ARHGEF28: variants seen among roughly 807,000 people sequenced by gnomAD.
ARHGEF28 encodes Rho guanine nucleotide exchange factor 28, also known as 190 kDa guanine nucleotide exchange factor.
In ARHGEF28, 152 loss-of-function variants were observed where a neutral mutation model predicts 206.6. The ratio of observed to expected loss-of-function variants is 0.74; its 90% CI spans 0.64 to 0.84. The LOEUF is 0.84. Ranked by LOEUF, ARHGEF28 falls within the 40% of genes least tolerant of loss-of-function variation. ARHGEF28 has a pLI of 0.00. For synonymous variants in ARHGEF28, 763 were observed against 776.4 expected, an observed-to-expected ratio of 0.98 and a Z score of 0.29; for missense variants, 2,028 against 2,073.2, an observed-to-expected ratio of 0.98 and a Z score of 0.42.
At chr5:73,725,798 T>C (rs1750236535) in intron 2 of ARHGEF28, among the ~76,000 whole-genome samples, 1 of 152,158 alleles carries the variant, frequency 6.6e-6, no homozygotes, top group Non-Finnish European at 1.5e-5. Context: ...AAGAATAGGC[T>C]CATGACATTT....
At chr5:73,766,120 A>C (rs543135414) in intron 4 of ARHGEF28, among the ~76,000 whole-genome samples, 1 of 151,434 alleles carries the variant, frequency 6.6e-6, no homozygotes, top group Admixed American at 6.6e-5. Context: ...TGCCACTGCA[A>C]TCCGGCCTGG....
chr5:73,805,197 C>T (rs1258824018), intron 9 of ARHGEF28, among the ~76,000 whole-genome samples: 2 of 151,844 alleles, frequency 1.3e-5, no homozygotes, highest in Non-Finnish European at 2.9e-5. Flanking sequence ...TTGTATATAT[C>T]TTTTTTTTAG....
At chr5:73,932,696 A>G (rs190766145) in intron 35 of ARHGEF28, among the ~76,000 whole-genome samples, 3 of 151,706 alleles carry the variant, frequency 2.0e-5, no homozygotes, top group African/African-American at 7.2e-5. Flanking sequence ...GTATTCACTA[A>G]TTCATTTATT....
chr5:73,889,475 G>A (rs1761501197), intron 26 of ARHGEF28, among the ~76,000 whole-genome samples: 1 of 152,232 alleles, frequency 6.6e-6, no homozygotes, highest in Non-Finnish European at 1.5e-5. Flanking sequence ...AGAATACTGA[G>A]TCTAGGAGGA....
chr5:73,662,197 A>G (rs773609830), intron 1 of ARHGEF28, among the ~76,000 whole-genome samples: 8 of 152,236 alleles, frequency 5.3e-5, no homozygotes, highest in Non-Finnish European at 8.8e-5. Context: ...ACTGACTTAC[A>G]TTCTGTAAAA....
chr5:73,714,384 A>G (rs1749440155), intron 2 of ARHGEF28, among the ~76,000 whole-genome samples: 1 of 152,202 alleles, frequency 6.6e-6, no homozygotes, highest in South Asian at 2.1e-4. Context: ...GTGTGAAGAA[A>G]AATAAAACTG....
chr5:73,760,959 C>T (rs1021161272), intron 4 of ARHGEF28, among the ~76,000 whole-genome samples: 18 of 152,196 alleles, frequency 1.2e-4, no homozygotes, highest in East Asian at 3.8e-4. Flanking sequence ...TAGAGAATTA[C>T]GCACTTACTC....
intron 29 of ARHGEF28, among the ~76,000 whole-genome samples, chr5:73,897,551 A>G (rs572172386): frequency 1.6e-4 from 24 of 152,224 alleles, no homozygotes; most frequent in Admixed American, 9.2e-4. Flanking sequence ...GTATATTTAT[A>G]CTAACTGAAT....
At chr5:73,648,849 C>G (rs1401388533) in intron 1 of ARHGEF28, among the ~76,000 whole-genome samples, 1 of 152,190 alleles carries the variant, frequency 6.6e-6, no homozygotes, top group African/African-American at 2.4e-5. Context: ...TCCCTGCAAA[C>G]AGAAACTTCA....
intron 1 of ARHGEF28, among the ~76,000 whole-genome samples, chr5:73,682,381 C>T (rs75054684): frequency 6.6e-6 from 1 of 151,766 alleles, no homozygotes; most frequent in Non-Finnish European, 1.5e-5. Flanking sequence ...CCAAGTGTAT[C>T]CTCTGGGGAT....
chr5:73,879,251 C>T (rs555655007), intron 22 of ARHGEF28, among the ~76,000 whole-genome samples: 1 of 152,308 alleles, frequency 6.6e-6, no homozygotes, highest in South Asian at 2.1e-4. Flanking sequence ...TCATGTAGTT[C>T]TCGAGCCTTG....
chr5:73,893,259 C>T lies in ARHGEF28; in HGVS notation c.3629C>T (p.Ala1210Val), dbSNP rs1398706850. Residue 1210 changes from alanine (A) to valine (V), a missense_variant, in exon 28 of 36, where the codon GCC becomes GTC. Physicochemically the swap from Ala to Val is moderately conservative, Grantham distance 64 (BLOSUM62 0). Transcript: ENST00000513042. ...GATGAAGACAAGAGGAAAGCTGAAG[C>T]CAGAGTGGCCAAAATTCAGCAATGT... ...ESDEDKRKAEARVAKIQQCQE... is the reference protein window; with the variant it reads ...ESDEDKRKAEVRVAKIQQCQE... 5.8e-6 allele frequency: 9 copies of T among 1,557,216 alleles called. No homozygotes were observed. The Admixed American group carries it at 1.7e-4, about 30-fold the overall frequency.
chr5:73,781,212 T>C (rs1753827460), intron 7 of ARHGEF28, among the ~76,000 whole-genome samples: 1 of 152,184 alleles, frequency 6.6e-6, no homozygotes, highest in Non-Finnish European at 1.5e-5. Flanking sequence ...AATTGAGGCA[T>C]CAGGGCTGCT....
chr5:73,772,295 C>T (rs1241837930), intron 4 of ARHGEF28, among the ~76,000 whole-genome samples: 2 of 152,104 alleles, frequency 1.3e-5, no homozygotes, highest in East Asian at 3.9e-4. Flanking sequence ...TGGGAGAACA[C>T]CACCTCCACA....
At chr5:73,856,378 T>C (rs1170574212) in intron 14 of ARHGEF28, among the ~76,000 whole-genome samples, 1 of 152,188 alleles carries the variant, frequency 6.6e-6, no homozygotes, top group Non-Finnish European at 1.5e-5. Flanking sequence ...CAAACCCAAT[T>C]TCATTTACTG....
chr5:73,795,466 A>C, intron 9 of ARHGEF28, 75 bp downstream of exon 9: 2 of 1,271,046 alleles, frequency 1.6e-6, no homozygotes, highest in Non-Finnish European at 2.2e-6. Context: ...GAAGCAAGTA[A>C]ATTTTAACAT....
intron 9 of ARHGEF28, among the ~76,000 whole-genome samples, chr5:73,802,745 A>G (rs1324911606): frequency 6.6e-6 from 1 of 152,216 alleles, no homozygotes; most frequent in Non-Finnish European, 1.5e-5. Flanking sequence ...AAGTTAAAAT[A>G]ATACCACTAA....
At chr5:73,717,800 C>A (rs1749677243) in intron 2 of ARHGEF28, among the ~76,000 whole-genome samples, 1 of 151,988 alleles carries the variant, frequency 6.6e-6, no homozygotes, top group African/African-American at 2.4e-5. Context: ...TCAATCAGAG[C>A]AATAATGAAC....
Position 73,795,363 on chromosome 5 carries a change from A to T in ARHGEF28, c.996A>T (p.Glu332Asp). The T allele has an allele frequency of 6.2e-7, 1 of 1,613,916 alleles. No homozygotes were observed. Among genetic ancestry groups the T allele is most frequent in the Non-Finnish European group, 8.5e-7 (1 of 1,179,820 alleles). ...RVKSLVVQHN[E>D]HEDQHSLDLD... ...AAAGCCTGGTGGTTCAACACAATGA[A>T]CATGAAGACCAGCACAGCCTAGATT... Residue 332 changes from glutamate to aspartate, a missense_variant, in exon 9 of 36, where the codon GAA (glutamate) becomes GAT (aspartate). Glu to Asp is a conservative substitution (Grantham distance 45). Coordinates refer to ENST00000513042, the MANE Select transcript of ARHGEF28 (RefSeq NM_001177693.2).
Sources: gnomAD v4.1 joint callset for allele counts (sites outside exome capture counted in the v4.1 genomes callset) on GRCh38, gnomAD v4.1.1 for gene constraint, MANE v1.5 for transcripts, NCBI Gene and HGNC (gene_info 2026-07-23, HGNC 2026-07-21) for gene names.